TAPBP: variants seen among roughly 807,000 people sequenced by gnomAD.
The protein encoded by TAPBP is tapasin.
In TAPBP, 38 loss-of-function variants were observed where a neutral mutation model predicts 45.7. The ratio of observed to expected loss-of-function variants is 0.83; its 90% confidence interval spans 0.64 to 1.09. The LOEUF is 1.09. Ranked by LOEUF, TAPBP falls within the 50% of genes least tolerant of loss-of-function variation. The probability of loss-of-function intolerance (pLI) is 0.00; values close to 1 mark genes in which losing one functional copy is unlikely to be tolerated. For missense variants in TAPBP, 513 were observed against 587.3 expected, an observed-to-expected ratio of 0.87 and a Z score of 1.31; for synonymous variants, 226 against 254.8, an observed-to-expected ratio of 0.89 and a Z score of 1.08.
At chr6:33,307,536 G>A (rs1668365266) in intron 3 of TAPBP, among the ~76,000 whole-genome samples, 2 of 151,412 alleles carry the variant, frequency 1.3e-5, no homozygotes, top group South Asian at 4.2e-4. Context: ...TGAGTAGCTG[G>A]GATTACAGGC....
In TAPBP at chr6:33,305,023, C is replaced by G. The variant is rs1187258516; in HGVS notation, c.834G>C (p.Leu278=). ...TYLATIHLPY[L]QGQVTLELAV... ...CAAGCTCCAGGGTGACCTGTCCTTG[C>G]AGGTATGGCAGGTGTATGGTGGCCA... The change falls in exon 4 of 8, where the codon CTG becomes CTC. Residue 278 remains leucine (L), a synonymous_variant. Coordinates refer to ENST00000434618, the MANE Select transcript of TAPBP (RefSeq NM_003190.5). This position sits in a 1 kb window ranked among gnomAD's most constrained non-coding sequence, Gnocchi z 4.4. 6.2e-7 allele frequency: 1 copy of G among 1,614,060 alleles called. No homozygotes were observed.
At chr6:33,303,892 T>C in intron 7 of TAPBP, 63 bp downstream of exon 7, 1 of 1,613,720 alleles carries the variant, frequency 6.2e-7, no homozygotes. Flanking sequence ...CCTCCATGGG[T>C]TTTGAGATAG....
At position 33,305,296 on chromosome 6, in the gene TAPBP, G is replaced by A. The variant is rs764631514; in HGVS notation, c.561C>T (p.Pro187=). The stretch of plus-strand genomic sequence containing the variant: ...CCAGAGATGAGGCGGCCTCGGAGGT[G>A]GGGGGCATGTAGGCAAAGCTCAAGT... ...LLDLSFAYMP[P]TSEAASSLAP... is the part of the protein sequence containing the mutation. Residue 187 remains proline, a synonymous_variant, in exon 4 of 8, where the codon CCC becomes CCT. Coordinates refer to ENST00000434618, the MANE Select transcript of TAPBP (RefSeq NM_003190.5). The surrounding 1 kb of genome is among the most constrained non-coding windows in gnomAD (Gnocchi z 4.4). 17 of 1,577,302 alleles carry A rather than the reference G, an allele frequency of 1.1e-5. No homozygotes were observed. Among genetic ancestry groups the A allele is most frequent in the Non-Finnish European group, 1.4e-5 (16 of 1,161,580 alleles).
rs1769472825 is a variant in TAPBP, at chr6:33,313,024, T to G, written c.469+193A>C. 3.8e-6 allele frequency: 2 copies of G among 530,960 alleles called. No individual in the cohort carries two copies. Among genetic ancestry groups the G allele is most frequent in the East Asian group, 3.4e-5 (1 of 29,248 alleles). 32.9% of individuals were successfully genotyped at this position (530,960 alleles called of 1,614,324 possible). On this transcript the variant is annotated intron_variant, in intron 3 of 7. Transcript: ENST00000434618. This position sits in a 1 kb window ranked among gnomAD's most constrained non-coding sequence, Gnocchi z 7.2. ...AAGCTGCAGTTTTTTTTTTGTTTTT[T>G]TTTTTTAACTGGGTGAGGGCTAGAA...
chr6:33,303,227 T>G (rs1768706592), intron 7 of TAPBP, among the ~76,000 whole-genome samples: 1 of 152,042 alleles, frequency 6.6e-6, no homozygotes, highest in Non-Finnish European at 1.5e-5. Flanking sequence ...GAGACCAGCC[T>G]GACCAACATG....
At chr6:33,303,700 C>T (rs1768736704) in intron 7 of TAPBP, 2 of 1,517,908 alleles carry the variant, frequency 1.3e-6, no homozygotes, top group South Asian at 2.4e-5. Context: ...ACATATGTGG[C>T]TTGCATTATC....
chr6:33,313,536 G>T lies in TAPBP; in HGVS notation c.209-59C>A. ...TCACCGCCGGGAAAGGGGCTGGAAGGGCAGCGTTCGGGGAACTTCAAATGC... is the reference window on the plus strand; with the variant it reads ...TCACCGCCGGGAAAGGGGCTGGAAGTGCAGCGTTCGGGGAACTTCAAATGC... On this transcript the variant is annotated intron_variant, in intron 2 of 7. Coordinates refer to ENST00000434618, the MANE Select transcript of TAPBP (RefSeq NM_003190.5). This position sits in a 1 kb window ranked among gnomAD's most constrained non-coding sequence, Gnocchi z 7.2. 6.6e-7 allele frequency: 1 copy of T among 1,509,386 alleles called. No homozygotes were observed. The highest frequency in any genetic ancestry group is 2.4e-5 in the East Asian group (1 of 42,418). The allele number at this position is 1,509,386 out of a possible 1,614,324, so 93.5% of individuals were successfully genotyped here.
chr6:33,305,035 G>A lies in TAPBP; in HGVS notation c.822C>T (p.His274=). 1.9e-6 allele frequency: 3 copies of A among 1,614,206 alleles called. No homozygotes were observed. The highest frequency in any genetic ancestry group is 1.7e-6 in the Non-Finnish European group (2 of 1,180,048). The change falls in exon 4 of 8, where the codon CAC becomes CAT. Residue 274 remains histidine (H), a synonymous_variant. Transcript: ENST00000434618. This position sits in a 1 kb window ranked among gnomAD's most constrained non-coding sequence, Gnocchi z 4.4. ...FQEGTYLATI[H]LPYLQGQVTL... ...TGACCTGTCCTTGCAGGTATGGCAG[G>A]TGTATGGTGGCCAGATAGGTGCCCT...
At chr6:33,309,414 C>A (rs1258099495) in intron 3 of TAPBP, among the ~76,000 whole-genome samples, 1 of 151,064 alleles carries the variant, frequency 6.6e-6, no homozygotes, top group Non-Finnish European at 1.5e-5. Context: ...AATTAATAAA[C>A]AAAACCTGGC....
chr6:33,313,186 C>T lies in TAPBP; in HGVS notation c.469+31G>A. On this transcript the variant is annotated intron_variant, in intron 3 of 7. Transcript: ENST00000434618. The surrounding 1 kb of genome is among the most constrained non-coding windows in gnomAD (Gnocchi z 7.2). ...GCTGATCTGGACCCTTAGAATCTAC[C>T]CACCCTTCTCCACCTCCCCTCCCCA... 6.3e-7 allele frequency: 1 copy of T among 1,588,010 alleles called. No homozygotes were observed. Among genetic ancestry groups the T allele is most frequent in the African/African-American group, 1.3e-5 (1 of 74,484 alleles).
rs1768941575 is a variant in TAPBP, at chr6:33,305,858, C to G, written c.470-471G>C. Among the ~76,000 whole-genome samples the G allele has an allele frequency of 6.6e-6, 1 of 152,216 alleles. No homozygotes were observed. The highest frequency in any genetic ancestry group is 2.4e-5 in the African/African-American group (1 of 41,448). ...TTACTGACTCTAGAAGGTTCCAGCTCTAGCCTAGACCTGAGCACAGACCTC... is the reference window on the plus strand; with the variant it reads ...TTACTGACTCTAGAAGGTTCCAGCTGTAGCCTAGACCTGAGCACAGACCTC... On this transcript the variant is annotated intron_variant, in intron 3 of 7. Coordinates refer to ENST00000434618, the MANE Select transcript of TAPBP (RefSeq NM_003190.5). The surrounding 1 kb of genome is among the most constrained non-coding windows in gnomAD (Gnocchi z 4.4).
Position 33,313,458 on chromosome 6 carries a change from C to A in TAPBP, c.228G>T (p.Gln76His). 1 of 1,580,722 alleles carries A rather than the reference C, an allele frequency of 6.3e-7. No homozygotes were observed. Among genetic ancestry groups the A allele is most frequent in the South Asian group, 1.1e-5 (1 of 88,358 alleles). ...LSVHDPAGAL[Q>H]AAFRRYPRGA... ...CCCGGGGATACCGCCTGAAGGCAGC[C>A]TGGAGGGCGCCCGCGGGGTCTGAGT... The change falls in exon 3 of 8, where the codon CAG becomes CAT. Residue 76 changes from glutamine to histidine, a missense_variant. Physicochemically the swap from Gln to His is conservative, Grantham distance 24. Coordinates refer to ENST00000434618, the MANE Select transcript of TAPBP (RefSeq NM_003190.5). The surrounding 1 kb of genome is among the most constrained non-coding windows in gnomAD (Gnocchi z 7.2).
chr6:33,309,089 TAAA>T (rs11376895), intron 3 of TAPBP, among the ~76,000 whole-genome samples: 11 of 146,486 alleles, frequency 7.5e-5, no homozygotes, highest in Admixed American at 1.4e-4. Flanking sequence ...TTTGAATTGT[TAAA>T]AAAAAAAAAA....
At chr6:33,304,936 C>T in intron 4 of TAPBP, 53 bp downstream of exon 4, 1 of 1,600,424 alleles carries the variant, frequency 6.2e-7, no homozygotes, top group Non-Finnish European at 8.5e-7. Context: ...ATTACGGTCC[C>T]CACAATCCAG....
intron 4 of TAPBP, 146 bp from the exon 5 acceptor site, chr6:33,304,784 G>A: frequency 8.1e-7 from 1 of 1,241,436 alleles, no homozygotes; most frequent in South Asian, 1.5e-5. Flanking sequence ...CTCTCCATTG[G>A]TGCGTCACAG....
intron 7 of TAPBP, 45 bp from the exon 8 acceptor site, chr6:33,301,816 A>G (rs1299758553): frequency 1.9e-6 from 3 of 1,613,880 alleles, no homozygotes; most frequent in Non-Finnish European, 2.5e-6. Context: ...ATTAAAAGGC[A>G]GTTGAGGTGT....
At chr6:33,304,897 G>T (rs1768859888) in intron 4 of TAPBP, 92 bp downstream of exon 4, 4 of 1,533,184 alleles carry the variant, frequency 2.6e-6, no homozygotes, top group South Asian at 2.5e-5. Flanking sequence ...ACTTGCCCAG[G>T]CACCCTCTTA....
At position 33,305,266 on chromosome 6, in the gene TAPBP, C is replaced by G; in HGVS notation, c.591G>C (p.Pro197=). ...ACTCTAGCCCAAAGGGAGGGGGACC[C>G]GGAGCCAGAGATGAGGCGGCCTCGG... ...PTSEAASSLA[P]GPPPFGLEWR... The change falls in exon 4 of 8, where the codon CCG becomes CCC. Residue 197 remains proline (P), a synonymous_variant. Coordinates refer to ENST00000434618, the MANE Select transcript of TAPBP (RefSeq NM_003190.5). The surrounding 1 kb of genome is among the most constrained non-coding windows in gnomAD (Gnocchi z 4.4). 1 of 1,601,148 alleles carries G rather than the reference C, an allele frequency of 6.2e-7. No individual in the cohort carries two copies. Among genetic ancestry groups the G allele is most frequent in the Non-Finnish European group, 8.5e-7 (1 of 1,172,364 alleles).
rs376349700 is a variant in TAPBP, at chr6:33,304,598, C to T, written c.909G>A (p.Arg303=). ...CCGGGGGTGCCTCCCCTGGGGCGGC[C>T]CGTGCAAGGGTTGCTGGCATCAGGG... is the stretch of plus-strand genomic sequence containing the variant. ...KVSLMPATLA[R]AAPGEAPPEL... is the part of the protein sequence containing the mutation. Residue 303 remains arginine, a synonymous_variant, in exon 5 of 8, where the codon CGG becomes CGA. Coordinates refer to ENST00000434618, the MANE Select transcript of TAPBP (RefSeq NM_003190.5). The T allele has an allele frequency of 2.5e-6, 4 of 1,594,948 alleles. No individual in the cohort carries two copies. Among genetic ancestry groups the T allele is most frequent in the Non-Finnish European group, 3.4e-6 (4 of 1,176,346 alleles).
Sources: gnomAD v4.1 joint callset for allele counts (sites outside exome capture counted in the v4.1 genomes callset) on GRCh38, gnomAD v4.1.1 for gene constraint, Gnocchi (gnomAD v3.1) non-coding constraint, MANE v1.5 for transcripts, NCBI Gene and HGNC (gene_info 2026-07-23, HGNC 2026-07-21) for gene names.